Variants in TRIP12 observed in about 807,000 individuals in gnomAD.
TRIP12 encodes thyroid hormone receptor interactor 12, also known as E3 ubiquitin-protein ligase TRIP12.
TRIP12 carries 25 observed loss-of-function variants against 244.2 expected under a neutral mutation model. The observed-to-expected ratio is 0.10, with a 90% CI of 0.07 to 0.14. TRIP12 has a LOEUF of 0.14. Among genes scored for constraint, TRIP12 ranks in the 10% least tolerant of loss-of-function variants. TRIP12 has a pLI of 1.00. For synonymous variants in TRIP12, 905 were observed against 873.1 expected (o/e 1.04, Z -0.64); for missense variants, 1,677 against 2,486.4 (o/e 0.67, Z 6.92).
intron 1 of TRIP12, among the ~76,000 whole-genome samples, chr2:229,901,977 C>A (rs1422462580): frequency 6.6e-6 from 1 of 152,192 alleles, no homozygotes; most frequent in African/African-American, 2.4e-5. Context: ...CATGATTGGG[C>A]TAAAGCCAGT....
At chr2:229,768,573 A>T in intron 41 of TRIP12, 43 bp downstream of exon 41, 1 of 1,582,120 alleles carries the variant, frequency 6.3e-7, no homozygotes, top group African/African-American at 1.4e-5. Flanking sequence ...TCACAAACCC[A>T]CCCATAGGTA....
chr2:229,873,949 GA>G (rs1173465420), intron 2 of TRIP12, among the ~76,000 whole-genome samples: 1 of 151,618 alleles, frequency 6.6e-6, no homozygotes, highest in Non-Finnish European at 1.5e-5. Flanking sequence ...CAAAGCTGAG[GA>G]AAAATTTATT....
intron 2 of TRIP12, among the ~76,000 whole-genome samples, chr2:229,875,189 G>A (rs1414375647): frequency 6.6e-6 from 1 of 152,188 alleles, no homozygotes; most frequent in African/African-American, 2.4e-5. Context: ...TTCAACTGTG[G>A]ATAGTGATGA....
At chr2:229,888,121 C>T (rs1381891211) in intron 1 of TRIP12, among the ~76,000 whole-genome samples, 1 of 152,168 alleles carries the variant, frequency 6.6e-6, no homozygotes, top group Non-Finnish European at 1.5e-5. Flanking sequence ...AAAAGTCATG[C>T]TTTTAACTTT....
At chr2:229,915,299 C>T (rs970885744) in intron 1 of TRIP12, among the ~76,000 whole-genome samples, 5 of 152,144 alleles carry the variant, frequency 3.3e-5, no homozygotes, top group African/African-American at 1.2e-4. Context: ...TCAACTATTA[C>T]ATGCACATAA....
intron 8 of TRIP12, among the ~76,000 whole-genome samples, chr2:229,826,811 A>G (rs1032132706): frequency 6.6e-6 from 1 of 152,204 alleles, no homozygotes; most frequent in Admixed American, 6.5e-5. Context: ...ATAAAAGATT[A>G]AAAAATGGTA....
At chr2:229,803,887 T>C (rs1030810648) in intron 19 of TRIP12, 112 bp downstream of exon 19, 2 of 988,834 alleles carry the variant, frequency 2.0e-6, no homozygotes, top group Non-Finnish European at 2.9e-6. Flanking sequence ...GAGCTCAAGA[T>C]ACTCCTAACA....
chr2:229,920,926 G>A (rs921523696), intron 1 of TRIP12, among the ~76,000 whole-genome samples: 1 of 152,044 alleles, frequency 6.6e-6, no homozygotes, highest in African/African-American at 2.4e-5. Context: ...ATGGACAAAC[G>A]TTGTAAATAA....
chr2:229,907,571 G>A (rs2073168648), intron 1 of TRIP12, among the ~76,000 whole-genome samples: 1 of 152,160 alleles, frequency 6.6e-6, no homozygotes, highest in Non-Finnish European at 1.5e-5. Context: ...TGAGGAAGCT[G>A]AGGCAAGAAG....
chr2:229,847,259 T>C (rs2057756260), intron 4 of TRIP12, among the ~76,000 whole-genome samples: 1 of 152,252 alleles, frequency 6.6e-6, no homozygotes, highest in African/African-American at 2.4e-5. Context: ...GCACTTTTGT[T>C]TCTCCACAAC....
At chr2:229,879,686 T>C (rs1560078570) in intron 2 of TRIP12, among the ~76,000 whole-genome samples, 1 of 152,236 alleles carries the variant, frequency 6.6e-6, no homozygotes, top group African/African-American at 2.4e-5. Context: ...AAAGATGTGT[T>C]GTAACATACA....
At position 229,807,768 on chromosome 2, in the gene TRIP12, C is replaced by T. The variant is rs770884908; in HGVS notation, c.2436G>A (p.Gln812=). The T allele has an allele frequency of 1.9e-6, 3 of 1,614,084 alleles. No homozygotes were observed. Among genetic ancestry groups the T allele is most frequent in the African/African-American group, 2.7e-5 (2 of 74,934 alleles). The change falls in exon 17 of 42, where the codon CAG becomes CAA. Residue 812 remains glutamine (Q), a synonymous_variant. Coordinates refer to ENST00000675903, the MANE Select transcript of TRIP12 (RefSeq NM_001348323.3). ...NAQNTDGAIW[Q]WRDDRGLWHP... is the part of the protein sequence containing the mutation. Reference sequence around the variant, plus strand: ...GCCAGAGGCCCCGATCATCACGCCACTGCCATATCGCACCATCTGTGTTCT... The same window carrying T: ...GCCAGAGGCCCCGATCATCACGCCATTGCCATATCGCACCATCTGTGTTCT...
intron 4 of TRIP12, among the ~76,000 whole-genome samples, chr2:229,856,735 A>G (rs2059669817): frequency 6.6e-6 from 1 of 152,246 alleles, no homozygotes; most frequent in African/African-American, 2.4e-5. Flanking sequence ...ATAAAAGCTG[A>G]CATATGTAAC....
chr2:229,904,881 A>AT (rs1324199910), intron 1 of TRIP12, among the ~76,000 whole-genome samples: 2 of 152,250 alleles, frequency 1.3e-5, no homozygotes, highest in Non-Finnish European at 2.9e-5. Context: ...CAAATGTACC[A>AT]TACTAATGTT....
chr2:229,883,116 C>A (rs913650333), intron 1 of TRIP12, among the ~76,000 whole-genome samples: 2 of 152,192 alleles, frequency 1.3e-5, no homozygotes, highest in Non-Finnish European at 2.9e-5. Context: ...AAGGGACCCT[C>A]GGAGATGATC....
intron 8 of TRIP12, among the ~76,000 whole-genome samples, chr2:229,823,189 T>C (rs2050541367): frequency 6.6e-6 from 1 of 152,098 alleles, no homozygotes; most frequent in Non-Finnish European, 1.5e-5. Context: ...GACCAAGAAT[T>C]TTCTAAAACT....
rs890201076 is a variant in TRIP12 at position 229,777,381 on chromosome 2, G to A, written c.5463C>T (p.Ala1821=). The A allele has an allele frequency of 3.9e-5, 63 of 1,613,774 alleles. No homozygotes were observed. The highest frequency in any genetic ancestry group is 5.1e-5 in the Non-Finnish European group (60 of 1,179,876). Residue 1821 remains alanine (A), a synonymous_variant, in exon 37 of 42, where the codon GCC becomes GCT. Transcript: ENST00000675903. The part of the protein sequence containing the change: ...HDLFDIDPVV[A]RSVYHLEDIV... ...TGTCTTCTAGGTGATAAACTGATCT[G>A]GCTACAACTGGGTCGATGTCAAACA...
intron 18 of TRIP12, 124 bp from the exon 19 acceptor site, chr2:229,804,351 G>C: frequency 1.3e-6 from 1 of 750,016 alleles, no homozygotes; most frequent in Admixed American, 3.0e-5. Context: ...TTTCATTATA[G>C]AACACATGAA....
At chr2:229,783,485 GTAT>G (rs1368926935) in intron 34 of TRIP12, among the ~76,000 whole-genome samples, 1 of 152,126 alleles carries the variant, frequency 6.6e-6, no homozygotes, top group Admixed American at 6.5e-5. Context: ...AAAACGAACT[GTAT>G]TTCTAGAAAC....
Sources: allele counts gnomAD v4.1 joint callset (sites outside exome capture counted in the v4.1 genomes callset), GRCh38; gene constraint gnomAD v4.1.1; transcripts MANE v1.5; gene names NCBI Gene and HGNC (gene_info 2026-07-23, HGNC 2026-07-21).